Variants in SSBP2 observed in about 807,000 individuals in gnomAD.
SSBP2 encodes single stranded DNA binding protein 2.
Under a neutral mutation model 61.8 loss-of-function variants are expected in SSBP2, and 17 were observed. The observed-to-expected ratio is 0.28, with a 90% CI of 0.19 to 0.41. SSBP2 has a LOEUF of 0.41. SSBP2 is among the 10% of genes least tolerant of loss of function. The pLI is 1.00. For missense variants in SSBP2, 310 were observed against 458.7 expected (o/e 0.68, Z 2.96); for synonymous variants, 139 against 141.3 (o/e 0.98, Z 0.12).
At chr5:81,721,393 T>C (rs1755535286) in intron 1 of SSBP2, among the ~76,000 whole-genome samples, 1 of 152,056 alleles carries the variant, frequency 6.6e-6, no homozygotes, top group Admixed American at 6.6e-5. Context: ...TACTTCAGAC[T>C]GATGTCCCAG....
At chr5:81,719,875 C>A (rs1389872476) in intron 1 of SSBP2, among the ~76,000 whole-genome samples, 1 of 152,078 alleles carries the variant, frequency 6.6e-6, no homozygotes, top group East Asian at 1.9e-4. Flanking sequence ...TCCCTAGTTG[C>A]CTGTTACCTG....
At chr5:81,573,907 G>A (rs1189206595) in intron 4 of SSBP2, among the ~76,000 whole-genome samples, 2 of 152,112 alleles carry the variant, frequency 1.3e-5, no homozygotes, top group South Asian at 2.1e-4. Context: ...TTGGGAGGCC[G>A]AGGCAGGCGA....
intron 4 of SSBP2, among the ~76,000 whole-genome samples, chr5:81,598,653 G>C (rs1019565945): frequency 6.6e-6 from 1 of 152,040 alleles, no homozygotes; most frequent in Non-Finnish European, 1.5e-5. Context: ...TGATCATGTT[G>C]CTCCCTCTGT....
intron 1 of SSBP2, among the ~76,000 whole-genome samples, chr5:81,740,034 A>G (rs1468844501): frequency 1.3e-5 from 2 of 152,192 alleles, no homozygotes; most frequent in African/African-American, 4.8e-5. Flanking sequence ...TTAATATTTC[A>G]GTAAAAACTT....
chr5:81,510,839 A>G (rs1768548712), intron 5 of SSBP2, among the ~76,000 whole-genome samples: 1 of 152,168 alleles, frequency 6.6e-6, no homozygotes, highest in African/African-American at 2.4e-5. Context: ...TTCCTCTGCA[A>G]TTCTGACTAC....
chr5:81,713,308 C>G (rs1754925432), intron 1 of SSBP2, among the ~76,000 whole-genome samples: 1 of 151,740 alleles, frequency 6.6e-6, no homozygotes, highest in Admixed American at 6.6e-5. Flanking sequence ...CACTCCACCC[C>G]TCCACACTCC....
At chr5:81,624,103 T>G (rs951534943) in intron 3 of SSBP2, among the ~76,000 whole-genome samples, 1 of 152,196 alleles carries the variant, frequency 6.6e-6, no homozygotes, top group Non-Finnish European at 1.5e-5. Flanking sequence ...TCAGTAAATC[T>G]TCAATTTTAA....
chr5:81,666,508 A>T (rs889345909), intron 1 of SSBP2, among the ~76,000 whole-genome samples: 3 of 152,220 alleles, frequency 2.0e-5, no homozygotes, highest in African/African-American at 7.2e-5. Flanking sequence ...GTAAACACTT[A>T]CCTCATATAG....
chr5:81,544,151 G>A (rs972216473), intron 4 of SSBP2, among the ~76,000 whole-genome samples: 9 of 152,064 alleles, frequency 5.9e-5, no homozygotes, highest in African/African-American at 9.7e-5. Flanking sequence ...CCGGGTTCAC[G>A]ACATTCTCCT....
At chr5:81,525,787 C>A (rs549282769) in intron 4 of SSBP2, among the ~76,000 whole-genome samples, 1 of 152,126 alleles carries the variant, frequency 6.6e-6, no homozygotes, top group South Asian at 2.1e-4. Context: ...TACTTCCTGC[C>A]AATGGTCTGC....
chr5:81,560,007 C>T (rs530711211), intron 4 of SSBP2, among the ~76,000 whole-genome samples: 45 of 152,120 alleles, frequency 3.0e-4, no homozygotes, highest in Non-Finnish European at 6.2e-4. Context: ...TTTCAACATA[C>T]ACAATATAAT....
intron 1 of SSBP2, among the ~76,000 whole-genome samples, chr5:81,727,767 G>A (rs1755990029): frequency 1.3e-5 from 2 of 152,222 alleles, no homozygotes; most frequent in African/African-American, 2.4e-5. Context: ...TATAGGCAAA[G>A]TGACTAAGGA....
chr5:81,591,433 AACAG>A (rs1404324429), intron 4 of SSBP2, among the ~76,000 whole-genome samples: 2 of 152,232 alleles, frequency 1.3e-5, no homozygotes, highest in Admixed American at 6.5e-5. Flanking sequence ...ACACACTGTC[AACAG>A]ACAAACAAAT....
chr5:81,434,439 C>T (rs187347748), intron 15 of SSBP2, among the ~76,000 whole-genome samples: 56 of 151,940 alleles, frequency 3.7e-4, no homozygotes, highest in African/African-American at 1.3e-3. Flanking sequence ...GGATGGATCA[C>T]CTGAGGTCAG....
intron 1 of SSBP2, among the ~76,000 whole-genome samples, chr5:81,713,008 G>A (rs1016110409): frequency 4.6e-5 from 7 of 151,956 alleles, no homozygotes; most frequent in Non-Finnish European, 7.4e-5. Context: ...GATTACAGGG[G>A]TGAGCCACCA....
chr5:81,499,145 A>T (rs1389360453), intron 5 of SSBP2, among the ~76,000 whole-genome samples: 2 of 152,190 alleles, frequency 1.3e-5, no homozygotes, highest in African/African-American at 4.8e-5. Flanking sequence ...TTATGCTGGC[A>T]TATTCTGCTG....
At chr5:81,666,259 A>G (rs966150383) in intron 1 of SSBP2, among the ~76,000 whole-genome samples, 4 of 152,202 alleles carry the variant, frequency 2.6e-5, no homozygotes, top group Non-Finnish European at 5.9e-5. Context: ...AGAAATAGAT[A>G]ACTGACATAC....
At chr5:81,521,946 G>A (rs756410575) in intron 4 of SSBP2, among the ~76,000 whole-genome samples, 2 of 151,848 alleles carry the variant, frequency 1.3e-5, no homozygotes, top group Non-Finnish European at 2.9e-5. Context: ...TGGTATCATG[G>A]GAAACTAGTA....
intron 4 of SSBP2, among the ~76,000 whole-genome samples, chr5:81,520,229 C>A (rs1210255991): frequency 1.3e-5 from 2 of 152,298 alleles, no homozygotes; most frequent in African/African-American, 2.4e-5. Flanking sequence ...AAGTGATCCA[C>A]CCACCTTAGC....
Sources: allele counts gnomAD v4.1 joint callset (sites outside exome capture counted in the v4.1 genomes callset), GRCh38; gene constraint gnomAD v4.1.1; transcripts MANE v1.5; gene names NCBI Gene and HGNC (gene_info 2026-07-23, HGNC 2026-07-21).